The following MINDY2 variants were observed in gnomAD, a reference collection of about 807,000 sequenced individuals.
The protein encoded by MINDY2 is MINDY lysine 48 deubiquitinase 2, also known as ubiquitin carboxyl-terminal hydrolase MINDY-2.
Under a neutral mutation model 68.2 loss-of-function variants are expected in MINDY2, and 52 were observed. The observed-to-expected ratio is 0.76, with a 90% CI of 0.61 to 0.96. The LOEUF is 0.96. MINDY2 is among the 40% of genes least tolerant of loss of function. MINDY2 has a pLI of 0.00. For synonymous variants in MINDY2, 372 were observed against 303.0 expected, an observed-to-expected ratio of 1.23 and a Z score of -2.36; for missense variants, 881 against 773.4, an observed-to-expected ratio of 1.14 and a Z score of -1.65.
At chr15:58,844,486 A>T (rs1225896599) in intron 6 of MINDY2, among the ~76,000 whole-genome samples, 1 of 139,472 alleles carries the variant, frequency 7.2e-6, no homozygotes, top group African/African-American at 2.7e-5. Context: ...CAGGAGGCGG[A>T]GGTTGCAGTG....
chr15:58,833,453 C>A (rs1403148379), intron 6 of MINDY2, among the ~76,000 whole-genome samples: 1 of 152,130 alleles, frequency 6.6e-6, no homozygotes, highest in Non-Finnish European at 1.5e-5. Context: ...AAAAAGGGGG[C>A]CCAGGGGACC....
chr15:58,785,981 A>T (rs2140914138), intron 1 of MINDY2, among the ~76,000 whole-genome samples: 1 of 152,300 alleles, frequency 6.6e-6, no homozygotes, highest in South Asian at 2.1e-4. Context: ...GAAATTATTT[A>T]AAAATGTCAC....
intron 5 of MINDY2, among the ~76,000 whole-genome samples, chr15:58,822,075 C>T (rs748059919): frequency 6.6e-6 from 1 of 151,960 alleles, no homozygotes; most frequent in African/African-American, 2.4e-5. Flanking sequence ...CATGATGAAA[C>T]CACGTGTCTA....
At chr15:58,847,985 C>T (rs909569371) in intron 7 of MINDY2, among the ~76,000 whole-genome samples, 27 of 151,970 alleles carry the variant, frequency 1.8e-4, no homozygotes, top group Non-Finnish European at 2.9e-4. Context: ...ATATTCTAAA[C>T]CTTAGAGGCC....
chr15:58,772,046 G>T lies in MINDY2; in HGVS notation c.651G>T (p.Leu217=), dbSNP rs765902781. The T allele has an allele frequency of 6.2e-7, 1 of 1,609,020 alleles. No homozygotes were observed. The highest frequency in any genetic ancestry group is 2.2e-5 in the East Asian group (1 of 44,882). ...GAAVLPGAVP[L]CKEEEGEETA... is the part of the protein sequence containing the mutation. Reference sequence around the variant, plus strand: ...CGGTGTTGCCCGGGGCTGTTCCTCTGTGCAAGGAGGAGGAGGGGGAGGAGA... The same window carrying T: ...CGGTGTTGCCCGGGGCTGTTCCTCTTTGCAAGGAGGAGGAGGGGGAGGAGA... The change falls in exon 1 of 9, where the codon CTG becomes CTT. Residue 217 remains leucine, a synonymous_variant. Coordinates refer to ENST00000559228, the MANE Select transcript of MINDY2 (RefSeq NM_001040450.3).
At chr15:58,827,863 T>C (rs939010450) in intron 5 of MINDY2, among the ~76,000 whole-genome samples, 8 of 152,206 alleles carry the variant, frequency 5.3e-5, no homozygotes, top group African/African-American at 1.9e-4. Context: ...CTTTTGTATC[T>C]CCTCATCTTT....
intron 4 of MINDY2, among the ~76,000 whole-genome samples, chr15:58,814,588 A>C (rs541952558): frequency 6.8e-6 from 1 of 146,762 alleles, no homozygotes; most frequent in Non-Finnish European, 1.5e-5. Context: ...CATATTGCTC[A>C]GGCTGGTCTC....
At position 58,771,432 on chromosome 15, in the gene MINDY2, C is replaced by A. The variant is rs771142580; in HGVS notation, c.37C>A (p.His13Asn). Residue 13 changes from histidine to asparagine, a missense_variant, in exon 1 of 9, where the codon CAC becomes AAC. By Grantham distance (68) the His-to-Asn change is moderately conservative. Coordinates refer to ENST00000559228, the MANE Select transcript of MINDY2 (RefSeq NM_001040450.3). The part of the protein sequence containing the change: ...SSPESLQPLE[H>N]GVAAGPASGT... ...CCCCGAGAGCCTGCAGCCGCTAGAA[C>A]ACGGGGTGGCGGCCGGGCCAGCGTC... 6.2e-7 allele frequency: 1 copy of A among 1,612,142 alleles called. No individual in the cohort carries two copies. The highest frequency in any genetic ancestry group is 8.5e-7 in the Non-Finnish European group (1 of 1,179,682).
chr15:58,841,830 A>G (rs1003854782), intron 6 of MINDY2, among the ~76,000 whole-genome samples: 1 of 152,232 alleles, frequency 6.6e-6, no homozygotes, highest in Non-Finnish European at 1.5e-5. Flanking sequence ...CATGCAGGAA[A>G]TTTGAAAGTG....
intron 5 of MINDY2, among the ~76,000 whole-genome samples, chr15:58,826,042 TATTATTATTTTTATTAA>T (rs1237360958): frequency 2.0e-5 from 3 of 152,146 alleles, no homozygotes; most frequent in African/African-American, 7.2e-5. Flanking sequence ...TAGTTTGGCT[TATTATTATTTTTATTAA>T]ATAATATTGG....
chr15:58,773,700 C>CGTTT (rs755553313), intron 1 of MINDY2, among the ~76,000 whole-genome samples: 1 of 147,680 alleles, frequency 6.8e-6, no homozygotes, highest in Non-Finnish European at 1.5e-5. Flanking sequence ...TTTTTTTTTT[C>CGTTT]GTTTGTTTGT....
chr15:58,819,325 G>A (rs934598274), intron 4 of MINDY2, among the ~76,000 whole-genome samples: 25 of 152,072 alleles, frequency 1.6e-4, no homozygotes, highest in Non-Finnish European at 2.9e-5. Context: ...GCGTCTGCCT[G>A]TAGTCCCAGC....
At chr15:58,838,359 C>T (rs1461810978) in intron 6 of MINDY2, among the ~76,000 whole-genome samples, 6 of 152,016 alleles carry the variant, frequency 3.9e-5, no homozygotes, top group African/African-American at 1.2e-4. Flanking sequence ...GATCATGCCA[C>T]TGCACTCCAG....
chr15:58,808,551 A>AT (rs1456507935), intron 3 of MINDY2, among the ~76,000 whole-genome samples: 1 of 150,896 alleles, frequency 6.6e-6, no homozygotes, highest in Admixed American at 6.6e-5. Flanking sequence ...GCTCATCTCT[A>AT]TTTTTTTTAA....
chr15:58,776,349 G>C (rs1265101368), intron 1 of MINDY2, among the ~76,000 whole-genome samples: 5 of 152,000 alleles, frequency 3.3e-5, no homozygotes, highest in African/African-American at 1.2e-4. Context: ...TTCTCCAGGA[G>C]ACAGAGAGAA....
rs558008343 is a variant in MINDY2, at chr15:58,849,337, A to T, written c.1542+1867A>T. 8.6e-5 allele frequency among the ~76,000 whole-genome samples: 13 copies of T among 151,996 alleles called. No homozygotes were observed. The South Asian group carries it at 2.7e-3, about 32-fold the overall frequency. On this transcript the variant is annotated intron_variant, in intron 7 of 8. Transcript: ENST00000559228. ...CTAACATGGTGAAACCCCGTCTTTA[A>T]TTAGAAAAATGCAAAAAATTAGCCG...
At chr15:58,781,441 C>G (rs1301647738) in intron 1 of MINDY2, among the ~76,000 whole-genome samples, 1 of 152,180 alleles carries the variant, frequency 6.6e-6, no homozygotes, top group Non-Finnish European at 1.5e-5. Flanking sequence ...ATAAGACATT[C>G]TTGCAAATTT....
intron 6 of MINDY2, among the ~76,000 whole-genome samples, chr15:58,834,700 G>A (rs2031909624): frequency 6.6e-6 from 1 of 152,014 alleles, no homozygotes; most frequent in Admixed American, 6.5e-5. Context: ...ATGTAAATAT[G>A]TCATTTTTTT....
At chr15:58,800,929 A>G (rs1208250051) in intron 2 of MINDY2, among the ~76,000 whole-genome samples, 2 of 151,996 alleles carry the variant, frequency 1.3e-5, no homozygotes, top group African/African-American at 4.8e-5. Flanking sequence ...AGTTGTCTGG[A>G]AGGGTAGAGA....
Sources: gnomAD v4.1 joint callset for allele counts (sites outside exome capture counted in the v4.1 genomes callset) on GRCh38, gnomAD v4.1.1 for gene constraint, MANE v1.5 for transcripts, NCBI Gene and HGNC (gene_info 2026-07-23, HGNC 2026-07-21) for gene names.